ARHGAP22: variants seen among roughly 807,000 people sequenced by gnomAD.
ARHGAP22 encodes the protein rho GTPase-activating protein 22.
ARHGAP22 carries 48 observed loss-of-function variants against 59.1 expected under a neutral mutation model. The ratio of observed to expected loss-of-function variants is 0.81; its 90% confidence interval spans 0.64 to 1.03. The LOEUF is 1.03. Among genes scored for constraint, ARHGAP22 ranks in the 50% least tolerant of loss-of-function variants. The pLI, the probability that ARHGAP22 is intolerant of heterozygous loss-of-function variation, is 0.00. For synonymous variants in ARHGAP22, 445 were observed against 416.4 expected (o/e 1.07, Z -0.84); for missense variants, 1,015 against 958.7 (o/e 1.06, Z -0.78).
At chr10:48,446,677 T>C (rs2045384457) in intron 9 of ARHGAP22, 58 bp from the exon 10 acceptor site, 2 of 1,513,804 alleles carry the variant, frequency 1.3e-6, no homozygotes, top group East Asian at 2.3e-5. Flanking sequence ...CACTGTCCCA[T>C]GGGTATACCA....
At chr10:48,447,437 G>A (rs897487418) in intron 9 of ARHGAP22, among the ~76,000 whole-genome samples, 18 of 152,214 alleles carry the variant, frequency 1.2e-4, no homozygotes, top group African/African-American at 4.3e-4. Context: ...CAGAGCACTG[G>A]TAACCATGGA....
downstream of ARHGAP22, among the ~76,000 whole-genome samples, chr10:48,443,062 A>C (rs1290653658): frequency 1.3e-5 from 2 of 152,150 alleles, no homozygotes; most frequent in Admixed American, 6.5e-5. Context: ...ATGGGAATAA[A>C]AACGTCTCCT....
At chr10:48,610,690 T>G (rs1231496194) in intron 1 of ARHGAP22, among the ~76,000 whole-genome samples, 1 of 152,040 alleles carries the variant, frequency 6.6e-6, no homozygotes, top group African/African-American at 2.4e-5. Flanking sequence ...GGGAGGAAGG[T>G]ATCAGAGCAC....
chr10:48,628,144 T>C (rs974842688), intron 1 of ARHGAP22, among the ~76,000 whole-genome samples: 9 of 152,236 alleles, frequency 5.9e-5, no homozygotes, highest in African/African-American at 1.9e-4. Context: ...GGCCACCCTC[T>C]GTTCAGGATG....
At chr10:48,493,825 G>T (rs1320079926) in intron 3 of ARHGAP22, among the ~76,000 whole-genome samples, 2 of 152,202 alleles carry the variant, frequency 1.3e-5, no homozygotes, top group African/African-American at 4.8e-5. Flanking sequence ...ACTCCCTGAG[G>T]TGGGGGGAGT....
At chr10:48,600,174 T>G (rs2060298149) in intron 1 of ARHGAP22, among the ~76,000 whole-genome samples, 1 of 152,236 alleles carries the variant, frequency 6.6e-6, no homozygotes, top group South Asian at 2.1e-4. Flanking sequence ...TGGCACATTC[T>G]AAACACTCAA....
intron 3 of ARHGAP22, among the ~76,000 whole-genome samples, chr10:48,553,006 G>T (rs1304045777): frequency 6.6e-6 from 1 of 152,228 alleles, no homozygotes; most frequent in Non-Finnish European, 1.5e-5. Context: ...GTGAAGGATG[G>T]GGAGCTTTGC....
chr10:48,450,766 A>AGAT lies in ARHGAP22; in HGVS notation c.1360_1362dup (p.Ile454dup). ...TTCATAAGCCAGTTCCCGCCGGAGG[A>AGAT]GATGATGGGCACCTCCAGGGATGAG... On this transcript the variant is annotated inframe_insertion, in exon 9 of 10. Coordinates refer to ENST00000249601, the MANE Select transcript of ARHGAP22 (RefSeq NM_021226.4). 6.4e-7 allele frequency: 1 copy of AGAT among 1,564,446 alleles called. No individual in the cohort carries two copies. The highest frequency in any genetic ancestry group is 8.7e-7 in the Non-Finnish European group (1 of 1,154,766).
At chr10:48,494,383 C>T (rs900621794) in intron 3 of ARHGAP22, among the ~76,000 whole-genome samples, 5 of 152,186 alleles carry the variant, frequency 3.3e-5, no homozygotes, top group Non-Finnish European at 5.9e-5. Context: ...CAGCAGCAGT[C>T]GCCCCTCCCA....
intron 1 of ARHGAP22, among the ~76,000 whole-genome samples, chr10:48,611,271 A>T (rs1186371041): frequency 6.6e-6 from 1 of 152,134 alleles, no homozygotes; most frequent in Non-Finnish European, 1.5e-5. Context: ...CAGGTGTGAC[A>T]CCCTGGGCTA....
intron 1 of ARHGAP22, among the ~76,000 whole-genome samples, chr10:48,647,121 T>A (rs548839762): frequency 6.6e-6 from 1 of 152,308 alleles, no homozygotes; most frequent in East Asian, 1.9e-4. Flanking sequence ...AGGCTGGGCT[T>A]GGTGGTTTAC....
the ARHGAP22 span, chr10:48,431,131 C>G: frequency 2.0e-6 from 2 of 1,006,086 alleles, no homozygotes; most frequent in Non-Finnish European, 3.1e-6. Context: ...TTAAACCATA[C>G]ATGCGTTGTG....
chr10:48,534,524 G>T (rs1488177310), intron 3 of ARHGAP22, among the ~76,000 whole-genome samples: 1 of 152,210 alleles, frequency 6.6e-6, no homozygotes, highest in Admixed American at 6.5e-5. Flanking sequence ...CAGCTGTGAT[G>T]ACATCAGACC....
At chr10:48,468,410 G>A (rs1177017131) in intron 4 of ARHGAP22, among the ~76,000 whole-genome samples, 6 of 152,200 alleles carry the variant, frequency 3.9e-5, no homozygotes, top group African/African-American at 1.4e-4. Context: ...TGGAGGCGGT[G>A]GGGGCAGGAC....
rs113081841 is a variant in ARHGAP22 at position 48,469,548 on chromosome 10, C to G, written c.452-9657G>C. Among the ~76,000 whole-genome samples the G allele has an allele frequency of 2.0e-3, 312 of 152,296 alleles. 1 individual carries two copies. The highest frequency in any genetic ancestry group is 7.1e-3 in the African/African-American group (296 of 41,548). ...CTTCCTTCAGTCTTAATTATGCCCC[C>G]CTCCCCAACCAAGACAACTCAGATC... On this transcript the variant is annotated intron_variant, in intron 4 of 9. Coordinates refer to ENST00000249601, the MANE Select transcript of ARHGAP22 (RefSeq NM_021226.4).
rs763038260 is a variant in ARHGAP22, at chr10:48,450,619, T to C, written c.1510A>G (p.Ile504Val). Residue 504 changes from isoleucine (I) to valine (V), a missense_variant, in exon 9 of 10, where the codon ATA becomes GTA. Physicochemically the swap from Ile to Val is conservative, Grantham distance 29. Coordinates refer to ENST00000249601, the MANE Select transcript of ARHGAP22 (RefSeq NM_021226.4). ...NVPAPGLVPG[I>V]PSVASMAWSG... Reference sequence around the variant, plus strand: ...CACGCCATACTGGCCACGCTGGGTATGCCGGGGACCAGGCCCGGCGCGGGC... The same window carrying C: ...CACGCCATACTGGCCACGCTGGGTACGCCGGGGACCAGGCCCGGCGCGGGC... 14 of 1,548,830 alleles carry C rather than the reference T, an allele frequency of 9.0e-6. No homozygotes were observed. The highest frequency in any genetic ancestry group is 1.4e-5 in the African/African-American group (1 of 73,050).
intron 3 of ARHGAP22, among the ~76,000 whole-genome samples, chr10:48,551,591 A>C (rs928896417): frequency 6.6e-6 from 1 of 152,202 alleles, no homozygotes; most frequent in Admixed American, 6.5e-5. Context: ...CCGCAGCTTC[A>C]GGGAGGAGAC....
At chr10:48,549,214 A>G (rs2056705497) in intron 3 of ARHGAP22, among the ~76,000 whole-genome samples, 2 of 152,178 alleles carry the variant, frequency 1.3e-5, no homozygotes, top group Non-Finnish European at 2.9e-5. Context: ...CTATGTTCCC[A>G]GGCTGGAAGG....
At chr10:48,575,544 C>T (rs2058658831) in intron 2 of ARHGAP22, 1 of 152,168 alleles carries the variant, frequency 6.6e-6, no homozygotes, top group African/African-American at 2.4e-5. Context: ...AGTGCATGTG[C>T]TTTCCCATCC....
Sources: allele counts gnomAD v4.1 joint callset (sites outside exome capture counted in the v4.1 genomes callset), GRCh38; gene constraint gnomAD v4.1.1; transcripts MANE v1.5; gene names NCBI Gene and HGNC (gene_info 2026-07-23, HGNC 2026-07-21).